MARCHF3: variants seen among roughly 807,000 people sequenced by gnomAD.
The protein encoded by MARCHF3 is membrane associated ring-CH-type finger 3.
MARCHF3 carries 13 observed loss-of-function variants against 24.2 expected under a neutral mutation model. The observed-to-expected ratio is 0.54, with a 90% CI of 0.35 to 0.85. The LOEUF (loss-of-function observed/expected upper bound fraction) is 0.85, where lower values mean the gene tolerates loss of function less well. Among genes scored for constraint, MARCHF3 ranks in the 40% least tolerant of loss-of-function variants. The pLI is 0.01. For synonymous variants in MARCHF3, 144 were observed against 137.3 expected, an observed-to-expected ratio of 1.05 and a Z score of -0.34; for missense variants, 276 against 325.0, an observed-to-expected ratio of 0.85 and a Z score of 1.16.
At chr5:126,973,985 C>T (rs935302655) in intron 1 of MARCHF3, among the ~76,000 whole-genome samples, 7 of 149,912 alleles carry the variant, frequency 4.7e-5, no homozygotes, top group African/African-American at 1.7e-4. Flanking sequence ...GCAAGCTCCA[C>T]TTCCCGGGTT....
At chr5:126,980,586 G>A (rs755162638) in intron 1 of MARCHF3, among the ~76,000 whole-genome samples, 2 of 152,054 alleles carry the variant, frequency 1.3e-5, no homozygotes, top group Admixed American at 6.5e-5. Context: ...GGCCAGGATC[G>A]TCTCAATCTC....
At chr5:127,020,848 C>CAAAT (rs1015504970) in intron 1 of MARCHF3, among the ~76,000 whole-genome samples, 29 of 150,906 alleles carry the variant, frequency 1.9e-4, no homozygotes, top group East Asian at 5.9e-4. Context: ...GACCTTGTCT[C>CAAAT]AAATAAATAA....
intron 1 of MARCHF3, among the ~76,000 whole-genome samples, chr5:126,921,502 C>T (rs985792964): frequency 6.6e-6 from 1 of 152,202 alleles, no homozygotes; most frequent in Non-Finnish European, 1.5e-5. Flanking sequence ...ACTGCATTTT[C>T]CTTGTCTAGT....
intron 1 of MARCHF3, among the ~76,000 whole-genome samples, chr5:126,990,837 A>G (rs1178586216): frequency 6.6e-6 from 1 of 152,242 alleles, no homozygotes; most frequent in Non-Finnish European, 1.5e-5. Flanking sequence ...GCAAATCAAA[A>G]CAACAATGAG....
chr5:126,987,960 T>C (rs1727800683), intron 1 of MARCHF3, among the ~76,000 whole-genome samples: 1 of 152,154 alleles, frequency 6.6e-6, no homozygotes. Flanking sequence ...ACATTAACAT[T>C]ACGGGAAGCC....
At chr5:126,966,963 T>A (rs7737120) in intron 1 of MARCHF3, among the ~76,000 whole-genome samples, 3 of 139,844 alleles carry the variant, frequency 2.1e-5, no homozygotes, top group Admixed American at 1.4e-4. Context: ...CCTATTTTCC[T>A]TTTTTTAAAG....
At chr5:126,915,978 G>A (rs1412893001) in intron 2 of MARCHF3, among the ~76,000 whole-genome samples, 4 of 152,290 alleles carry the variant, frequency 2.6e-5, no homozygotes, top group Non-Finnish European at 5.9e-5. Context: ...GCACAAAAAT[G>A]GTGCCTTCTT....
chr5:126,900,407 CTG>C (rs935957176), intron 3 of MARCHF3, among the ~76,000 whole-genome samples: 13 of 151,982 alleles, frequency 8.6e-5, no homozygotes, highest in African/African-American at 2.7e-4. Flanking sequence ...GCACCCATGA[CTG>C]AGATTTGTGC....
chr5:126,916,525 A>T (rs1198161235), intron 2 of MARCHF3, among the ~76,000 whole-genome samples: 2 of 152,176 alleles, frequency 1.3e-5, no homozygotes, highest in Admixed American at 1.3e-4. Flanking sequence ...CACTAGCCTG[A>T]AAGGCCTACT....
At chr5:127,023,463 G>A (rs989538437) in intron 1 of MARCHF3, among the ~76,000 whole-genome samples, 2 of 152,058 alleles carry the variant, frequency 1.3e-5, no homozygotes. Flanking sequence ...GGGCATGGTG[G>A]CTCACACCTG....
chr5:126,900,504 G>A (rs79116503), intron 3 of MARCHF3, among the ~76,000 whole-genome samples: 3,095 of 152,046 alleles, frequency 0.02, 79 homozygotes, highest in South Asian at 0.11. Flanking sequence ...GCAACCAGGA[G>A]GAGGACCCTC....
chr5:127,000,882 G>A (rs1319061754), intron 1 of MARCHF3, among the ~76,000 whole-genome samples: 4 of 151,836 alleles, frequency 2.6e-5, no homozygotes, highest in Non-Finnish European at 4.4e-5. Flanking sequence ...TAGCCAGGAT[G>A]GTCTCGATCT....
intron 1 of MARCHF3, among the ~76,000 whole-genome samples, chr5:126,955,432 G>A (rs533843364): frequency 1.3e-5 from 2 of 152,270 alleles, no homozygotes; most frequent in South Asian, 4.1e-4. Context: ...CCAAAGTGGT[G>A]TACCACACTA....
At chr5:126,894,321 G>C (rs1336264440) in intron 3 of MARCHF3, among the ~76,000 whole-genome samples, 1 of 150,080 alleles carries the variant, frequency 6.7e-6, no homozygotes, top group African/African-American at 2.5e-5. Context: ...GTGTGAATTT[G>C]ATCCTGTCAT....
At chr5:126,963,504 T>A (rs541171694) in intron 1 of MARCHF3, among the ~76,000 whole-genome samples, 3 of 152,110 alleles carry the variant, frequency 2.0e-5, no homozygotes, top group South Asian at 4.2e-4. Context: ...AAGAAGAAAA[T>A]TTAAAAAACA....
At chr5:126,898,042 G>T (rs547857807) in intron 3 of MARCHF3, among the ~76,000 whole-genome samples, 3 of 152,128 alleles carry the variant, frequency 2.0e-5, no homozygotes, top group Admixed American at 2.0e-4. Context: ...GGCTGGGGGT[G>T]GGGGACAGAG....
At chr5:126,894,813 T>C (rs2126778339) in intron 3 of MARCHF3, among the ~76,000 whole-genome samples, 1 of 152,012 alleles carries the variant, frequency 6.6e-6, no homozygotes, top group East Asian at 1.9e-4. Flanking sequence ...TCGAGGAGTA[T>C]CTTTGTGGCG....
At chr5:126,873,861 G>T (rs1268296726) in intron 4 of MARCHF3, among the ~76,000 whole-genome samples, 1 of 152,214 alleles carries the variant, frequency 6.6e-6, no homozygotes, top group Non-Finnish European at 1.5e-5. Context: ...ACGCCAAGGA[G>T]ACCACAGGTT....
At chr5:126,872,451 C>G (rs565826856) in intron 4 of MARCHF3, among the ~76,000 whole-genome samples, 1 of 152,048 alleles carries the variant, frequency 6.6e-6, no homozygotes, top group South Asian at 2.1e-4. Flanking sequence ...ATTGATGGAC[C>G]GTCCAAGAAA....
Sources: allele counts gnomAD v4.1 joint callset (sites outside exome capture counted in the v4.1 genomes callset), GRCh38; gene constraint gnomAD v4.1.1; transcripts MANE v1.5; gene names NCBI Gene and HGNC (gene_info 2026-07-23, HGNC 2026-07-21).